TNKS: variants seen among roughly 807,000 people sequenced by gnomAD.
TNKS encodes the protein tankyrase.
In TNKS, 72 loss-of-function variants were observed where a neutral mutation model predicts 135.8. That is an observed-to-expected ratio of 0.53 (90% confidence interval 0.44 to 0.64). The LOEUF (loss-of-function observed/expected upper bound fraction) is 0.64, where lower values mean the gene tolerates loss of function less well. Ranked by LOEUF, TNKS falls within the 30% of genes least tolerant of loss-of-function variation. The pLI is 0.00. For missense variants in TNKS, 1,769 were observed against 1,674.0 expected, an observed-to-expected ratio of 1.06 and a Z score of -0.99; for synonymous variants, 849 against 649.3, an observed-to-expected ratio of 1.31 and a Z score of -4.68.
chr8:9,700,722 A>G (rs1187324480), intron 5 of TNKS, among the ~76,000 whole-genome samples: 1 of 151,854 alleles, frequency 6.6e-6, no homozygotes. Context: ...CTGCTTCCTA[A>G]TAGTTTTTGA....
chr8:9,596,449 C>A (rs1237069782), intron 2 of TNKS, among the ~76,000 whole-genome samples: 1 of 152,114 alleles, frequency 6.6e-6, no homozygotes, highest in East Asian at 1.9e-4. Context: ...TACATTTGTA[C>A]TTTACTTTTA....
intron 2 of TNKS, among the ~76,000 whole-genome samples, chr8:9,592,393 C>T (rs1177617322): frequency 4.6e-5 from 7 of 152,196 alleles, no homozygotes; most frequent in East Asian, 3.9e-4. Flanking sequence ...TTTTCATATT[C>T]CCGGTATTAG....
chr8:9,716,092 A>AT (rs934300610), intron 11 of TNKS, among the ~76,000 whole-genome samples: 1 of 152,154 alleles, frequency 6.6e-6, no homozygotes, highest in Non-Finnish European at 1.5e-5. Flanking sequence ...ACATGAAGGA[A>AT]TTTTTTTGAC....
chr8:9,590,780 T>C (rs184494555), intron 2 of TNKS, among the ~76,000 whole-genome samples: 123 of 152,368 alleles, frequency 8.1e-4, no homozygotes, highest in African/African-American at 2.8e-3. Flanking sequence ...CATTATTGAG[T>C]TATGATAGAT....
In TNKS at chr8:9,776,772, A is replaced by C; in HGVS notation, c.*36A>C. ...CTGGTGAAGGCCAGATCAGATTTCA[A>C]CCTGGGACTGGATTACAGAGGATTG... On this transcript the variant is annotated 3_prime_UTR_variant, in exon 27 of 27. Transcript: ENST00000310430. 1.9e-6 allele frequency: 3 copies of C among 1,579,712 alleles called. No homozygotes were observed. The highest frequency in any genetic ancestry group is 2.6e-6 in the Non-Finnish European group (3 of 1,149,004).
chr8:9,712,823 G>A (rs974900051), intron 11 of TNKS, among the ~76,000 whole-genome samples: 13 of 152,174 alleles, frequency 8.5e-5, no homozygotes, highest in African/African-American at 2.2e-4. Flanking sequence ...CCAAGAGGTC[G>A]AGGCTGTAGT....
intron 11 of TNKS, 130 bp downstream of exon 11, chr8:9,710,350 T>C (rs761840163): frequency 1.3e-6 from 1 of 783,840 alleles, no homozygotes; most frequent in South Asian, 1.6e-5. Flanking sequence ...GTACTTAAAT[T>C]CATGGATTCT....
intron 17 of TNKS, among the ~76,000 whole-genome samples, chr8:9,735,895 TCTAA>T (rs1805678040): frequency 6.6e-6 from 1 of 152,068 alleles, no homozygotes; most frequent in Non-Finnish European, 1.5e-5. Context: ...TAAGTAGATA[TCTAA>T]CTAATAGCAT....
At chr8:9,623,214 A>G (rs555127241) in intron 3 of TNKS, among the ~76,000 whole-genome samples, 1 of 152,336 alleles carries the variant, frequency 6.6e-6, no homozygotes, top group Non-Finnish European at 1.5e-5. Flanking sequence ...ACTAGGGTTG[A>G]TGAACATTCA....
chr8:9,662,897 A>G (rs575081167), intron 3 of TNKS, among the ~76,000 whole-genome samples: 7 of 152,358 alleles, frequency 4.6e-5, no homozygotes, highest in African/African-American at 1.7e-4. Flanking sequence ...CAACATACTA[A>G]TCCCCAGAAC....
chr8:9,671,735 T>G (rs188005344), intron 3 of TNKS, among the ~76,000 whole-genome samples: 1 of 152,372 alleles, frequency 6.6e-6, no homozygotes, highest in East Asian at 1.9e-4. Flanking sequence ...AAGGTGAATT[T>G]AACTATATGT....
At chr8:9,617,630 C>A (rs552477581) in intron 3 of TNKS, among the ~76,000 whole-genome samples, 2 of 152,108 alleles carry the variant, frequency 1.3e-5, no homozygotes, top group African/African-American at 2.4e-5. Context: ...ATAAGTAATT[C>A]TTTCCAGTGG....
intron 3 of TNKS, among the ~76,000 whole-genome samples, chr8:9,638,935 TTTC>T (rs1165465342): frequency 6.6e-6 from 1 of 152,146 alleles, no homozygotes; most frequent in African/African-American, 2.4e-5. Flanking sequence ...TTCCAAGAAC[TTTC>T]TATACCTTAA....
intron 12 of TNKS, among the ~76,000 whole-genome samples, chr8:9,721,298 T>TTATATATATATATAAATATATATATA (rs1804869991): frequency 8.5e-6 from 1 of 118,154 alleles, no homozygotes; most frequent in South Asian, 2.8e-4. Context: ...AATAAATAAA[T>TTATATATATATATAAATATATATATA]TATATATATA....
intron 2 of TNKS, among the ~76,000 whole-genome samples, chr8:9,602,781 C>T (rs1006875997): frequency 4.6e-5 from 7 of 152,170 alleles, no homozygotes; most frequent in African/African-American, 1.4e-4. Context: ...TTTCATTTAA[C>T]TCAATGTATC....
intron 3 of TNKS, among the ~76,000 whole-genome samples, chr8:9,615,996 T>C (rs375757621): frequency 4.6e-5 from 7 of 152,192 alleles, no homozygotes; most frequent in Admixed American, 2.6e-4. Context: ...ACCTTTACTG[T>C]TGAGCAAGCA....
chr8:9,752,123 G>C (rs1461315914), intron 19 of TNKS, among the ~76,000 whole-genome samples: 1 of 152,146 alleles, frequency 6.6e-6, no homozygotes, highest in African/African-American at 2.4e-5. Context: ...ACACAACTGA[G>C]AGGTCATTTC....
intron 2 of TNKS, among the ~76,000 whole-genome samples, chr8:9,602,236 G>A (rs145518953): frequency 1.4e-4 from 22 of 152,328 alleles, no homozygotes; most frequent in African/African-American, 5.1e-4. Context: ...CCACTTGTAG[G>A]TTTAGCTAGT....
intron 3 of TNKS, among the ~76,000 whole-genome samples, chr8:9,623,346 A>G (rs1799935479): frequency 6.6e-6 from 1 of 152,164 alleles, no homozygotes; most frequent in South Asian, 2.1e-4. Context: ...TATAGATACT[A>G]ACCTGTGTAC....
Sources: gnomAD v4.1 joint callset for allele counts (sites outside exome capture counted in the v4.1 genomes callset) on GRCh38, gnomAD v4.1.1 for gene constraint, MANE v1.5 for transcripts, NCBI Gene and HGNC (gene_info 2026-07-23, HGNC 2026-07-21) for gene names.